ATP1A2: variants seen among roughly 807,000 people sequenced by gnomAD.
ATP1A2 encodes ATPase Na+/K+ transporting subunit alpha 2.
ATP1A2 carries 56 observed loss-of-function variants against 113.1 expected under a neutral mutation model. That is an observed-to-expected ratio of 0.49 (90% confidence interval 0.40 to 0.62). ATP1A2 has a LOEUF of 0.62. Among genes scored for constraint, ATP1A2 ranks in the 20% least tolerant of loss-of-function variants. ATP1A2 has a pLI of 0.00. For synonymous variants in ATP1A2, 490 were observed against 526.8 expected (o/e 0.93, Z 0.96); for missense variants, 712 against 1,357.8 (o/e 0.52, Z 7.47).
rs140057048 is a variant in ATP1A2, at chr1:160,136,689, C to T, written c.2683C>T (p.Leu895=). Residue 895 remains leucine, a synonymous_variant, in exon 19 of 23, where the codon CTG becomes TTG. Coordinates refer to ENST00000361216, the MANE Select transcript of ATP1A2 (RefSeq NM_000702.4). ...CTGGGATGACCGGACCATGAATGAT[C>T]TGGAGGACAGCTATGGACAGGAGTG... ...LDWDDRTMND[L]EDSYGQEWTY... 2.5e-6 allele frequency: 4 copies of T among 1,614,122 alleles called. No homozygotes were observed. The African/African-American group carries it at 5.3e-5, about 22-fold the overall frequency.
intron 5 of ATP1A2, 32 bp from the exon 6 acceptor site, chr1:160,124,264 G>GC (rs1558003936): frequency 1.9e-6 from 3 of 1,576,614 alleles, no homozygotes; most frequent in Admixed American, 1.8e-5. Context: ...GCAGAGACAA[G>GC]CATTTCATGA....
intron 20 of ATP1A2, among the ~76,000 whole-genome samples, chr1:160,137,768 A>G (rs1414441254): frequency 6.6e-6 from 1 of 151,966 alleles, no homozygotes; most frequent in African/African-American, 2.4e-5. Context: ...TTCTCCTACC[A>G]TAAACAATGG....
chr1:160,135,978 C>T lies in ATP1A2; in HGVS notation c.2424C>T (p.Asp808=). 1 of 1,613,980 alleles carries T rather than the reference C, an allele frequency of 6.2e-7. No individual in the cohort carries two copies. Among genetic ancestry groups the T allele is most frequent in the Non-Finnish European group, 8.5e-7 (1 of 1,179,988 alleles). ...GCACTGTGACCATCCTTTGCATTGA[C>T]CTGGGCACAGATATGGTGAGCGCAG... ...PLGTVTILCI[D]LGTDMVPAIS... The change falls in exon 17 of 23, where the codon GAC becomes GAT. Residue 808 remains aspartate (D), a synonymous_variant. Coordinates refer to ENST00000361216, the MANE Select transcript of ATP1A2 (RefSeq NM_000702.4). The surrounding 1 kb of genome is among the most constrained non-coding windows in gnomAD (Gnocchi z 6.3).
chr1:160,134,568 G>A lies in ATP1A2; in HGVS notation c.1912G>A (p.Val638Met), dbSNP rs1407002970. ...CATCATATCAGAGGGTAACGAGACT[G>A]TGGAGGACATTGCAGCCCGGCTCAA... ...VGIISEGNET[V>M]EDIAARLNIP... The change falls in exon 14 of 23, where the codon GTG becomes ATG. Residue 638 changes from valine to methionine, a missense_variant. Around this residue, in one of 6 missense-constraint regions of ATP1A2, gnomAD observed 263 missense variants for 380.6 expected, o/e 0.69. Transcript: ENST00000361216. 1 of 1,614,234 alleles carries A rather than the reference G, an allele frequency of 6.2e-7. No individual in the cohort carries two copies. Among genetic ancestry groups the A allele is most frequent in the Non-Finnish European group, 8.5e-7 (1 of 1,180,042 alleles).
At chr1:160,129,118 GTT>G in intron 10 of ATP1A2, 29 bp downstream of exon 10, 1 of 1,547,962 alleles carries the variant, frequency 6.5e-7, no homozygotes, top group Non-Finnish European at 8.7e-7. Flanking sequence ...CACCAGGTAT[GTT>G]TTGGGGGTGT....
chr1:160,125,123 CCTT>C lies in ATP1A2; in HGVS notation c.631-11_631-9del. The C allele has an allele frequency of 6.2e-7, 1 of 1,611,706 alleles. No individual in the cohort carries two copies. The highest frequency in any genetic ancestry group is 2.2e-5 in the East Asian group (1 of 44,874). On this transcript the variant is annotated splice_polypyrimidine_tract_variant and intron_variant, in intron 6 of 22. Coordinates refer to ENST00000361216, the MANE Select transcript of ATP1A2 (RefSeq NM_000702.4). ...TCTGCCAGTCTGATGACTATGCACTCCTTCCTCCTCAGGTGGATAACTCATCCT... is the reference window on the plus strand; with the variant it reads ...TCTGCCAGTCTGATGACTATGCACTCCCTCCTCAGGTGGATAACTCATCCT...
At chr1:160,129,645 G>A (rs542317309) in intron 11 of ATP1A2, among the ~76,000 whole-genome samples, 24 of 152,150 alleles carry the variant, frequency 1.6e-4, no homozygotes, top group Admixed American at 7.2e-4. Flanking sequence ...CCATAGCTCC[G>A]CATCCTCTGG....
chr1:160,131,327 T>C (rs1651764268), intron 13 of ATP1A2, among the ~76,000 whole-genome samples: 1 of 152,210 alleles, frequency 6.6e-6, no homozygotes, highest in Non-Finnish European at 1.5e-5. Context: ...CCAGTATTTT[T>C]CCTTTTTTAC....
rs1651962434 is a variant in ATP1A2, at chr1:160,136,674, C to T, written c.2668C>T (p.Arg890Trp). 1 of 1,614,226 alleles carries T rather than the reference C, an allele frequency of 6.2e-7. No individual in the cohort carries two copies. The highest frequency in any genetic ancestry group is 8.5e-7 in the Non-Finnish European group (1 of 1,180,046). ...LLGIRLDWDD[R>W]TMNDLEDSYG... ...GGGAATCCGCCTCGACTGGGATGAC[C>T]GGACCATGAATGATCTGGAGGACAG... is the stretch of plus-strand genomic sequence containing the variant. Residue 890 changes from arginine to tryptophan, a missense_variant, in exon 19 of 23, where the codon CGG (arginine) becomes TGG (tryptophan). By Grantham distance (101) the Arg-to-Trp change is moderately radical (BLOSUM62 -3). This residue lies in a region of ATP1A2 where 188 missense variants were observed against 438.9 expected (regional missense o/e 0.43). Transcript: ENST00000361216.
intron 1 of ATP1A2, 129 bp downstream of exon 1, chr1:160,116,002 C>T (rs1206217312): frequency 7.0e-7 from 1 of 1,424,352 alleles, no homozygotes; most frequent in Admixed American, 2.0e-5. Context: ...GAACTTGAAA[C>T]TAACAGTCTC....
At position 160,123,133 on chromosome 1, in the gene ATP1A2, C is replaced by G. The variant is rs530467586; in HGVS notation, c.178-80C>G. On this transcript the variant is annotated intron_variant, in intron 3 of 22. Transcript: ENST00000361216. The stretch of plus-strand genomic sequence containing the variant: ...TCCTTCTGGGCATTCTTCCCATGCC[C>G]GGGAGCTGAAGGGATGGGCATGGTG... The G allele has an allele frequency of 2.0e-6, 3 of 1,524,294 alleles. No homozygotes were observed. The African/African-American group carries it at 4.1e-5, about 21-fold the overall frequency. 94.4% of individuals were successfully genotyped at this position (1,524,294 alleles called of 1,614,324 possible).
chr1:160,122,502 A>G (rs1231002750), intron 3 of ATP1A2, among the ~76,000 whole-genome samples: 1 of 152,140 alleles, frequency 6.6e-6, no homozygotes, highest in African/African-American at 2.4e-5. Flanking sequence ...TAGGATTCCA[A>G]TGCAATATGG....
intron 3 of ATP1A2, among the ~76,000 whole-genome samples, chr1:160,121,803 CTAAGCCCTTCAAT>C (rs1247931709): frequency 6.6e-6 from 1 of 152,214 alleles, no homozygotes; most frequent in South Asian, 2.1e-4. Context: ...CAGTCAATTG[CTAAGCCCTTCAAT>C]TAAAAATTTG....
Position 160,129,283 on chromosome 1 carries a change from T to C in ATP1A2, c.1344T>C (p.Asp448=). Residue 448 remains aspartate (D), a synonymous_variant, in exon 11 of 23, where the codon GAT becomes GAC. Transcript: ENST00000361216. ...ISVSKRDTAG[D]ASESALLKCI... is the part of the protein sequence containing the mutation. ...TCTGGCAGCGGGACACAGCTGGTGA[T>C]GCCTCTGAGTCAGCTCTGCTCAAGT... is the stretch of plus-strand genomic sequence containing the variant. The C allele has an allele frequency of 6.2e-7, 1 of 1,614,220 alleles. No individual in the cohort carries two copies. Among genetic ancestry groups the C allele is most frequent in the Non-Finnish European group, 8.5e-7 (1 of 1,180,036 alleles).
Position 160,143,271 on chromosome 1 carries a change from C to T in ATP1A2, c.*1949C>T, listed in dbSNP as rs933723903. 5 of 152,164 alleles carry T rather than the reference C, an allele frequency of 3.3e-5. No homozygotes were observed. The highest frequency in any genetic ancestry group is 7.2e-5 in the African/African-American group (3 of 41,404). 9.4% of individuals were successfully genotyped at this position (152,164 alleles called of 1,614,324 possible). ...GTGGGAGACAATATTAATTTGGATC[C>T]GATTAATTGGAGATTACTAACTGTG... On this transcript the variant is annotated 3_prime_UTR_variant, in exon 23 of 23. Coordinates refer to ENST00000361216, the MANE Select transcript of ATP1A2 (RefSeq NM_000702.4).
rs1652151220 is a variant in ATP1A2, at chr1:160,141,545, C to T, written c.*223C>T. On this transcript the variant is annotated 3_prime_UTR_variant, in exon 23 of 23. Transcript: ENST00000361216. ...AGATTAGACACTATGTGTTAGAGTC[C>T]CCCCGACCAGATCCTTTTCCATCCC... 7 of 615,884 alleles carry T rather than the reference C, an allele frequency of 1.1e-5. No homozygotes were observed. Among genetic ancestry groups the T allele is most frequent in the South Asian group, 3.7e-5 (2 of 54,544 alleles). The allele number at this position is 615,884 out of a possible 1,614,324, so 38.2% of individuals were successfully genotyped here. A position where few individuals can be genotyped will look rare whatever the true frequency, so the allele number is the denominator to read the frequency against.
Position 160,128,898 on chromosome 1 carries a change from G to A in ATP1A2, c.1216+48G>A, listed in dbSNP as rs189922200. The A allele has an allele frequency of 6.6e-3, 10,662 of 1,611,520 alleles. 56 individuals carry two copies. The highest frequency in any genetic ancestry group is 7.4e-3 in the Non-Finnish European group (8,748 of 1,178,662). ...GTGGATAGGATTAGAGGAGGCTGAG[G>A]GCAGTGGCGTGGTGGGGTGAGTGGT... On this transcript the variant is annotated intron_variant, in intron 9 of 22. Coordinates refer to ENST00000361216, the MANE Select transcript of ATP1A2 (RefSeq NM_000702.4).
At chr1:160,129,447 G>A in intron 11 of ATP1A2, 47 bp downstream of exon 11, 3 of 1,603,290 alleles carry the variant, frequency 1.9e-6, no homozygotes, top group South Asian at 2.2e-5. Flanking sequence ...GATATAAATG[G>A]GTGAGGGTGG....
intron 8 of ATP1A2, 53 bp downstream of exon 8, chr1:160,127,873 T>C: frequency 1.3e-6 from 2 of 1,537,326 alleles, no homozygotes; most frequent in Non-Finnish European, 1.7e-6. Flanking sequence ...TACTCTTTCC[T>C]CAGAGTGATA....
Sources: gnomAD v4.1 joint callset for allele counts (sites outside exome capture counted in the v4.1 genomes callset) on GRCh38, gnomAD v4.1.1 for gene constraint, gnomAD v4.1.1 regional missense constraint, Gnocchi (gnomAD v3.1) non-coding constraint, MANE v1.5 for transcripts, NCBI Gene and HGNC (gene_info 2026-07-23, HGNC 2026-07-21) for gene names.